The following NRXN2 variants were observed in gnomAD, a reference collection of about 807,000 sequenced individuals.
NRXN2 encodes the protein neurexin 2.
Under a neutral mutation model 128.8 loss-of-function variants are expected in NRXN2, and 29 were observed. The ratio of observed to expected loss-of-function variants is 0.23; its 90% CI spans 0.17 to 0.31. NRXN2 has a LOEUF of 0.31. Among genes scored for constraint, NRXN2 ranks in the 10% least tolerant of loss-of-function variants. NRXN2 has a pLI of 1.00. For missense variants in NRXN2, 1,881 were observed against 2,452.6 expected, an observed-to-expected ratio of 0.77 and a Z score of 4.92; for synonymous variants, 1,098 against 1,075.2, an observed-to-expected ratio of 1.02 and a Z score of -0.41.
chr11:64,645,195 CA>C (rs1343894435), intron 17 of NRXN2, among the ~76,000 whole-genome samples: 1 of 152,098 alleles, frequency 6.6e-6, no homozygotes, highest in African/African-American at 2.4e-5. Context: ...TAGACTGACA[CA>C]GCTCTGAGCA....
At chr11:64,700,622 C>A (rs2055203983) in intron 2 of NRXN2, among the ~76,000 whole-genome samples, 1 of 152,226 alleles carries the variant, frequency 6.6e-6, no homozygotes, top group Non-Finnish European at 1.5e-5. Flanking sequence ...GTCATCGTAG[C>A]CTCTGGCCTC....
chr11:64,704,982 A>G (rs933030535), intron 2 of NRXN2, among the ~76,000 whole-genome samples: 1 of 152,196 alleles, frequency 6.6e-6, no homozygotes, highest in African/African-American at 2.4e-5. Flanking sequence ...TAATAGGATA[A>G]TGCCCTGCTC....
chr11:64,615,743 T>A (rs1433396230), intron 22 of NRXN2, among the ~76,000 whole-genome samples: 3 of 152,214 alleles, frequency 2.0e-5, no homozygotes, highest in Admixed American at 6.5e-5. Flanking sequence ...TCTGAGGATA[T>A]GTGTGTGCCC....
intron 11 of NRXN2, among the ~76,000 whole-genome samples, chr11:64,657,628 G>A (rs191078043): frequency 6.6e-6 from 1 of 152,274 alleles, no homozygotes. Flanking sequence ...ACTCAGAGAT[G>A]GGAAATGACT....
At chr11:64,697,843 G>C in intron 2 of NRXN2, 51 bp from the exon 3 acceptor site, 1 of 1,610,276 alleles carries the variant, frequency 6.2e-7, no homozygotes, top group Non-Finnish European at 8.5e-7. Flanking sequence ...GAAGAAAAAG[G>C]AGGGCTGTTA....
At chr11:64,655,057 C>T (rs1215811301) in intron 11 of NRXN2, among the ~76,000 whole-genome samples, 2 of 152,196 alleles carry the variant, frequency 1.3e-5, no homozygotes, top group Non-Finnish European at 2.9e-5. Context: ...TCGCTCCACC[C>T]CAAATAGGCT....
At chr11:64,701,830 C>T (rs986279345) in intron 2 of NRXN2, among the ~76,000 whole-genome samples, 1 of 149,430 alleles carries the variant, frequency 6.7e-6, no homozygotes, top group Non-Finnish European at 1.5e-5. Context: ...TGAGGGGCGC[C>T]TCTGCCCGGC....
At position 64,648,385 on chromosome 11, in the gene NRXN2, C is replaced by G. The variant is rs774862488; in HGVS notation, c.3284-47G>C. 1 of 1,613,502 alleles carries G rather than the reference C, an allele frequency of 6.2e-7. No individual in the cohort carries two copies. The highest frequency in any genetic ancestry group is 8.5e-7 in the Non-Finnish European group (1 of 1,179,850). On this transcript the variant is annotated intron_variant, in intron 16 of 22. Coordinates refer to ENST00000265459, the MANE Select transcript of NRXN2 (RefSeq NM_015080.4). The surrounding 1 kb of genome is among the most constrained non-coding windows in gnomAD (Gnocchi z 4.1). ...AACACCCCTGGCTCAGCCAAGCCCC[C>G]TCTTTCCCCAGGAGGTGTGGAAGCT...
At chr11:64,691,872 C>A (rs1051191843) in intron 4 of NRXN2, among the ~76,000 whole-genome samples, 3 of 152,194 alleles carry the variant, frequency 2.0e-5, no homozygotes, top group Non-Finnish European at 4.4e-5. Flanking sequence ...GTCCTGCCTA[C>A]CGGCTAAGGA....
chr11:64,642,765 G>A (rs1468918444), intron 17 of NRXN2: 6 of 1,218,620 alleles, frequency 4.9e-6, no homozygotes, highest in African/African-American at 1.6e-5. Context: ...CCGGGGGGCG[G>A]CGCGGGCACC....
At chr11:64,701,310 C>T (rs969620487) in intron 2 of NRXN2, among the ~76,000 whole-genome samples, 1 of 152,202 alleles carries the variant, frequency 6.6e-6, no homozygotes, top group African/African-American at 2.4e-5. Context: ...ACCTCTTTTC[C>T]TGCGACAATC....
At chr11:64,619,338 T>G (rs970815673) in intron 22 of NRXN2, among the ~76,000 whole-genome samples, 2 of 151,192 alleles carry the variant, frequency 1.3e-5, no homozygotes, top group Non-Finnish European at 2.9e-5. Context: ...GTCCTTTCTC[T>G]GCTCCCTCTG....
At chr11:64,696,109 C>G (rs985638394) in intron 3 of NRXN2, among the ~76,000 whole-genome samples, 3 of 152,000 alleles carry the variant, frequency 2.0e-5, no homozygotes, top group African/African-American at 7.3e-5. Flanking sequence ...TCTCCTCCAC[C>G]CTTTTTTCCC....
rs374697069 is a variant in NRXN2, at chr11:64,635,309, T to G, written c.3547A>C (p.Ser1183Arg). ...QRSAVLVRVD[S>R]ASGLGDYLQL... is the part of the protein sequence containing the mutation. Reference sequence around the variant, plus strand: ...AGGTAGTCTCCAAGGCCGGAGGCGCTGTCCACCCGCACCAGCACAGCGCTC... The same window carrying G: ...AGGTAGTCTCCAAGGCCGGAGGCGCGGTCCACCCGCACCAGCACAGCGCTC... The change falls in exon 18 of 23, where the codon AGC becomes CGC. Residue 1183 changes from serine (S) to arginine (R), a missense_variant. Transcript: ENST00000265459. The surrounding 1 kb of genome is among the most constrained non-coding windows in gnomAD (Gnocchi z 4.8). 1.2e-6 allele frequency: 2 copies of G among 1,613,298 alleles called. No homozygotes were observed. Among genetic ancestry groups the G allele is most frequent in the Non-Finnish European group, 8.5e-7 (1 of 1,180,006 alleles).
rs542522852 is a variant in NRXN2 at position 64,677,863 on chromosome 11, G to A, written c.1153-826C>T. Among the ~76,000 whole-genome samples the A allele has an allele frequency of 2.9e-4, 44 of 152,348 alleles. No homozygotes were observed. In the Middle Eastern group the frequency reaches 0.01, roughly 35 times the overall value. On this transcript the variant is annotated intron_variant, in intron 6 of 22. Coordinates refer to ENST00000265459, the MANE Select transcript of NRXN2 (RefSeq NM_015080.4). ...ACTGGCTGACCAGTGGCCATGCCGGGTTAATGGATTAACCAGTTGGTGATG... is the reference window on the plus strand; with the variant it reads ...ACTGGCTGACCAGTGGCCATGCCGGATTAATGGATTAACCAGTTGGTGATG...
In NRXN2 at chr11:64,651,421, C is replaced by T. The variant is rs759011735; in HGVS notation, c.2752G>A (p.Asp918Asn). Residue 918 changes from aspartate to asparagine, a missense_variant, in exon 14 of 23, where the codon GAT becomes AAT. Asp to Asn is a conservative substitution (Grantham distance 23). Coordinates refer to ENST00000265459, the MANE Select transcript of NRXN2 (RefSeq NM_015080.4). The surrounding 1 kb of genome is among the most constrained non-coding windows in gnomAD (Gnocchi z 5.9). ...ARFGLRAIVA[D>N]PVTFKSRSSY... ...CTGCGACTCTTGAAGGTGACGGGAT[C>T]GGCCACGATGGCACGCAGGCCAAAG... 7 of 1,614,064 alleles carry T rather than the reference C, an allele frequency of 4.3e-6. No homozygotes were observed. The highest frequency in any genetic ancestry group is 1.1e-5 in the South Asian group (1 of 91,082).
rs2056472754 is a variant in NRXN2 at position 64,707,600 on chromosome 11, T to C, written c.730+5370A>G. On this transcript the variant is annotated intron_variant, in intron 2 of 22. Coordinates refer to ENST00000265459, the MANE Select transcript of NRXN2 (RefSeq NM_015080.4). ...TGAGCATTTTCTATGTACCAGGCAC[T>C]GTTCTAAGCACTTTACATGAACTAG... Among the ~76,000 whole-genome samples, 4 of 152,340 alleles carry C rather than the reference T, an allele frequency of 2.6e-5. No individual in the cohort carries two copies. The South Asian group carries it at 8.3e-4, about 32-fold the overall frequency.
chr11:64,676,036 C>A (rs2051269548), intron 7 of NRXN2: 1 of 152,786 alleles, frequency 6.5e-6, no homozygotes. Flanking sequence ...ACCAATGCTG[C>A]CCCTTCCCAC....
rs548588828 is a variant in NRXN2, at chr11:64,655,222, G to A, written c.2390-1500C>T. ...CTGAGCTCCACACGCGTTGTCAACCGCAGCAGAAGAGTGGAGGCGAGCAGC... is the reference window on the plus strand; with the variant it reads ...CTGAGCTCCACACGCGTTGTCAACCACAGCAGAAGAGTGGAGGCGAGCAGC... On this transcript the variant is annotated intron_variant, in intron 11 of 22. Transcript: ENST00000265459. 1.2e-4 allele frequency among the ~76,000 whole-genome samples: 19 copies of A among 152,330 alleles called. No individual in the cohort carries two copies. The South Asian group carries it at 2.1e-3, about 17-fold the overall frequency.
Sources: allele counts gnomAD v4.1 joint callset (sites outside exome capture counted in the v4.1 genomes callset), GRCh38; gene constraint gnomAD v4.1.1; non-coding constraint Gnocchi (gnomAD v3.1); transcripts MANE v1.5; gene names NCBI Gene and HGNC (gene_info 2026-07-23, HGNC 2026-07-21).